The following OSBPL3 variants were observed in gnomAD, a reference collection of about 807,000 sequenced individuals.
OSBPL3 encodes the protein oxysterol-binding protein-related protein 3.
In OSBPL3, 65 loss-of-function variants were observed where a neutral mutation model predicts 120.1. That is an observed-to-expected ratio of 0.54 (90% confidence interval 0.44 to 0.67). The LOEUF (loss-of-function observed/expected upper bound fraction) is 0.67. Ranked by LOEUF, OSBPL3 falls within the 30% of genes least tolerant of loss-of-function variation. The pLI is 0.00. For missense variants in OSBPL3, 1,004 were observed against 1,082.1 expected, an observed-to-expected ratio of 0.93 and a Z score of 1.01; for synonymous variants, 416 against 402.6, an observed-to-expected ratio of 1.03 and a Z score of -0.40.
Position 24,913,757 on chromosome 7 carries a change from A to G in OSBPL3, c.-149-21136T>C, listed in dbSNP as rs1044974461. Among the ~76,000 whole-genome samples the G allele has an allele frequency of 1.1e-4, 16 of 152,212 alleles. No homozygotes were observed. Among genetic ancestry groups the G allele is most frequent in the Non-Finnish European group, 1.3e-4 (9 of 68,030 alleles). ...GGAGTGCATTGTCATGTGGTAACTG[A>G]GCCACAGAGAAATTAAATATCTTAC... On this transcript the variant is annotated intron_variant, in intron 1 of 22. Transcript: ENST00000313367. The surrounding 1 kb of genome is among the most constrained non-coding windows in gnomAD (Gnocchi z 5.3).
rs1307415188 is a variant in OSBPL3 at position 24,938,110 on chromosome 7, G to A, written c.-150+41776C>T. ...GCTATGGGCTGAAAGTTTCTGTCCC[G>A]CCAAAACTGGTATGTTGAAACCTAA... On this transcript the variant is annotated intron_variant, in intron 1 of 22. Coordinates refer to ENST00000313367, the MANE Select transcript of OSBPL3 (RefSeq NM_015550.4). The surrounding 1 kb of genome is among the most constrained non-coding windows in gnomAD (Gnocchi z 5.8). Among the ~76,000 whole-genome samples the A allele has an allele frequency of 2.0e-5, 3 of 152,192 alleles. No homozygotes were observed. The highest frequency in any genetic ancestry group is 4.4e-5 in the Non-Finnish European group (3 of 68,032).
chr7:24,825,652 T>G (rs543642962), intron 16 of OSBPL3, among the ~76,000 whole-genome samples: 1 of 152,308 alleles, frequency 6.6e-6, no homozygotes, highest in South Asian at 2.1e-4. Flanking sequence ...TTTACTTATT[T>G]AATCAGTAAT....
At position 24,863,801 on chromosome 7, in the gene OSBPL3, G is replaced by A. The variant is rs1408887662; in HGVS notation, c.674-202C>T. 6.6e-6 allele frequency among the ~76,000 whole-genome samples: 1 copy of A among 152,162 alleles called. No individual in the cohort carries two copies. The highest frequency in any genetic ancestry group is 1.5e-5 in the Non-Finnish European group (1 of 68,042). On this transcript the variant is annotated intron_variant, in intron 7 of 22. Coordinates refer to ENST00000313367, the MANE Select transcript of OSBPL3 (RefSeq NM_015550.4). The surrounding 1 kb of genome is among the most constrained non-coding windows in gnomAD (Gnocchi z 5.8). ...GGGCATGAATCTTGAGAACCAGGCT[G>A]CTTCAGTTTGAATCCACTTAATGAA... is the stretch of plus-strand genomic sequence containing the variant.
intron 16 of OSBPL3, among the ~76,000 whole-genome samples, chr7:24,828,198 G>A (rs1795922159): frequency 6.6e-6 from 1 of 151,954 alleles, no homozygotes; most frequent in South Asian, 2.1e-4. Context: ...CTAATTTTTT[G>A]TATTCTTAGT....
Position 24,834,555 on chromosome 7 carries a change from G to A in OSBPL3, c.1677C>T (p.Leu559=). ...GCTCGCTGTACTCCAGCTCCTCGCA[G>A]AGCCTCTGCAGCGTGTTCAGGGGCT... is the stretch of plus-strand genomic sequence containing the variant. ...LNEPLNTLQR[L]CEELEYSELL... The change falls in exon 15 of 23, where the codon CTC becomes CTT. Residue 559 remains leucine (L), a synonymous_variant. Coordinates refer to ENST00000313367, the MANE Select transcript of OSBPL3 (RefSeq NM_015550.4). The surrounding 1 kb of genome is among the most constrained non-coding windows in gnomAD (Gnocchi z 5.2). 6.2e-7 allele frequency: 1 copy of A among 1,614,188 alleles called. No individual in the cohort carries two copies. Among genetic ancestry groups the A allele is most frequent in the Non-Finnish European group, 8.5e-7 (1 of 1,180,020 alleles).
chr7:24,935,452 T>C (rs902248061), intron 1 of OSBPL3, among the ~76,000 whole-genome samples: 7 of 152,188 alleles, frequency 4.6e-5, no homozygotes, highest in Admixed American at 3.3e-4. Context: ...CATATATATT[T>C]ATGTAATCGC....
In OSBPL3 at chr7:24,968,357, T is replaced by C. The variant is rs968871421; in HGVS notation, c.-150+11529A>G. Among the ~76,000 whole-genome samples, 8 of 152,204 alleles carry C rather than the reference T, an allele frequency of 5.3e-5. No homozygotes were observed. The highest frequency in any genetic ancestry group is 1.9e-4 in the African/African-American group (8 of 41,452). ...CAAGGGCTTGGGAAGTCACGCACAGTTGGTTCCCACATGCCGGTGTAAACT... is the reference window on the plus strand; with the variant it reads ...CAAGGGCTTGGGAAGTCACGCACAGCTGGTTCCCACATGCCGGTGTAAACT... On this transcript the variant is annotated intron_variant, in intron 1 of 22. Coordinates refer to ENST00000313367, the MANE Select transcript of OSBPL3 (RefSeq NM_015550.4). The surrounding 1 kb of genome is among the most constrained non-coding windows in gnomAD (Gnocchi z 4.6).
intron 1 of OSBPL3, 118 bp from the exon 2 acceptor site, chr7:24,892,739 A>T: frequency 1.7e-6 from 1 of 599,858 alleles, no homozygotes; most frequent in Non-Finnish European, 2.3e-6. Context: ...ATGTTTAGCT[A>T]TAGCAGGCGC....
At chr7:24,876,014 C>A (rs1206335767) in intron 2 of OSBPL3, among the ~76,000 whole-genome samples, 1 of 152,050 alleles carries the variant, frequency 6.6e-6, no homozygotes, top group Non-Finnish European at 1.5e-5. Context: ...GTAAGTAAGT[C>A]CTGTTGGTTC....
At position 24,939,582 on chromosome 7, in the gene OSBPL3, G is replaced by T. The variant is rs768914272; in HGVS notation, c.-150+40304C>A. 6.6e-6 allele frequency among the ~76,000 whole-genome samples: 1 copy of T among 152,156 alleles called. No individual in the cohort carries two copies. The highest frequency in any genetic ancestry group is 2.4e-5 in the African/African-American group (1 of 41,450). ...AGACTAAAGAAACTGGGTCCTTGAG[G>T]ACACAGTCAACCCACTGAATTAAGC... On this transcript the variant is annotated intron_variant, in intron 1 of 22. Transcript: ENST00000313367. The surrounding 1 kb of genome is among the most constrained non-coding windows in gnomAD (Gnocchi z 4.2).
chr7:24,840,634 T>TATTA, intron 14 of OSBPL3, 56 bp downstream of exon 14: 1 of 721,238 alleles, frequency 1.4e-6, no homozygotes, highest in Non-Finnish European at 2.3e-6. Context: ...CTATACAACT[T>TATTA]ATTAGTATTG....
Position 24,834,134 on chromosome 7 carries a change from G to A in OSBPL3, c.1746+352C>T. ...AGAAATTAAATTCTGTCCACCCAGG[G>A]AAGTAAAAATAAACATGCAGACAGC... On this transcript the variant is annotated intron_variant, in intron 15 of 22. Transcript: ENST00000313367. This position sits in a 1 kb window ranked among gnomAD's most constrained non-coding sequence, Gnocchi z 5.2. 2.0e-6 allele frequency: 2 copies of A among 1,014,892 alleles called. No individual in the cohort carries two copies. The highest frequency in any genetic ancestry group is 2.4e-6 in the Non-Finnish European group (2 of 842,524). 62.9% of individuals were successfully genotyped at this position (1,014,892 alleles called of 1,614,324 possible).
chr7:24,902,754 G>A (rs1487986444), intron 1 of OSBPL3, among the ~76,000 whole-genome samples: 1 of 149,220 alleles, frequency 6.7e-6, no homozygotes, highest in African/African-American at 2.5e-5. Flanking sequence ...ACTCTTGAAT[G>A]CCACACCTAA....
chr7:24,812,109 C>T (rs535860533), intron 19 of OSBPL3, among the ~76,000 whole-genome samples: 44 of 151,934 alleles, frequency 2.9e-4, no homozygotes, highest in Non-Finnish European at 5.6e-4. Context: ...GAGTTCGAGA[C>T]CAGCCTGTCC....
rs143129362 is a variant in OSBPL3, at chr7:24,924,490, T to C, written c.-149-31869A>G. Among the ~76,000 whole-genome samples, 266 of 152,350 alleles carry C rather than the reference T, an allele frequency of 1.7e-3. 1 individual carries two copies. Among genetic ancestry groups the C allele is most frequent in the Admixed American group, 0.015 (228 of 15,308 alleles). ...ACTTTCCTATTGCTATGATACCCAG[T>C]ACGGATTCCTACACAGAACTGGTTC... On this transcript the variant is annotated intron_variant, in intron 1 of 22. Transcript: ENST00000313367.
rs763079383 is a variant in OSBPL3, at chr7:24,979,979, C to A, written c.-243G>T. 13 of 985,412 alleles carry A rather than the reference C, an allele frequency of 1.3e-5. No homozygotes were observed. Among genetic ancestry groups the A allele is most frequent in the Non-Finnish European group, 1.6e-5 (13 of 830,012 alleles). The allele number at this position is 985,412 out of a possible 1,614,324, so 61.0% of individuals were successfully genotyped here. On this transcript the variant is annotated 5_prime_UTR_variant, in exon 1 of 23. Coordinates refer to ENST00000313367, the MANE Select transcript of OSBPL3 (RefSeq NM_015550.4). ...CCGGGAGAAGGCAACCCCGGCTTCT[C>A]CGGTACCCCCGCAACGTGCAGCTGA...
intron 12 of OSBPL3, 67 bp from the exon 13 acceptor site, chr7:24,842,480 AT>A (rs1405836711): frequency 2.9e-5 from 36 of 1,262,748 alleles, no homozygotes; most frequent in Non-Finnish European, 3.9e-5. Context: ...AAAATAAATG[AT>A]TTAGTTGTAC....
rs1255824428 is a variant in OSBPL3, at chr7:24,900,075, G to C, written c.-149-7454C>G. Among the ~76,000 whole-genome samples the C allele has an allele frequency of 2.0e-5, 3 of 152,188 alleles. No individual in the cohort carries two copies. Among genetic ancestry groups the C allele is most frequent in the African/African-American group, 7.2e-5 (3 of 41,456 alleles). On this transcript the variant is annotated intron_variant, in intron 1 of 22. Transcript: ENST00000313367. This position sits in a 1 kb window ranked among gnomAD's most constrained non-coding sequence, Gnocchi z 4.5. ...TTATCGTAGTCCTGTGGTTTTTAAA[G>C]AGGGGCCCTAAGACTTGCAGCATCA...
chr7:24,910,634 GT>G, intron 1 of OSBPL3, among the ~76,000 whole-genome samples: 1 of 152,368 alleles, frequency 6.6e-6, no homozygotes, highest in East Asian at 1.9e-4. Context: ...GGAAACCACT[GT>G]GATCAAGGAG....
Sources: gnomAD v4.1 joint callset for allele counts (sites outside exome capture counted in the v4.1 genomes callset) on GRCh38, gnomAD v4.1.1 for gene constraint, Gnocchi (gnomAD v3.1) non-coding constraint, MANE v1.5 for transcripts, NCBI Gene and HGNC (gene_info 2026-07-23, HGNC 2026-07-21) for gene names.